CDYL2: variants seen among roughly 807,000 people sequenced by gnomAD.
CDYL2 encodes the protein chromodomain Y-like protein 2.
A neutral mutation model predicts 49.4 loss-of-function variants in CDYL2; 23 were observed. The ratio of observed to expected loss-of-function variants is 0.47; its 90% CI spans 0.34 to 0.66. CDYL2 has a LOEUF of 0.66. Ranked by LOEUF, CDYL2 falls within the 30% of genes least tolerant of loss-of-function variation. The pLI is 0.01. For missense variants in CDYL2, 678 were observed against 656.4 expected (o/e 1.03, Z -0.36); for synonymous variants, 360 against 268.8 (o/e 1.34, Z -3.32).
intron 2 of CDYL2, among the ~76,000 whole-genome samples, chr16:80,640,186 A>G (rs2142402976): frequency 6.6e-6 from 1 of 152,292 alleles, no homozygotes; most frequent in Non-Finnish European, 1.5e-5. Context: ...CAGACTGCAC[A>G]CCTCAAGTAT....
At chr16:80,752,502 G>C (rs536490698) in intron 1 of CDYL2, among the ~76,000 whole-genome samples, 8 of 152,204 alleles carry the variant, frequency 5.3e-5, no homozygotes, top group South Asian at 2.1e-4. Flanking sequence ...ATTCTGAAAA[G>C]TACCCAGATA....
chr16:80,641,679 T>C (rs1281953203), intron 2 of CDYL2, among the ~76,000 whole-genome samples: 2 of 136,554 alleles, frequency 1.5e-5, no homozygotes, highest in African/African-American at 2.8e-5. Flanking sequence ...TTCTCACTCA[T>C]AGGAGGTAAT....
intron 2 of CDYL2, among the ~76,000 whole-genome samples, chr16:80,675,160 G>A (rs1322570994): frequency 1.3e-5 from 2 of 152,196 alleles, no homozygotes; most frequent in South Asian, 2.1e-4. Flanking sequence ...CTTGGCATCT[G>A]GGAAAGGTCT....
At chr16:80,632,975 A>G (rs375265876) in intron 3 of CDYL2, 44 bp downstream of exon 3, 1 of 1,561,946 alleles carries the variant, frequency 6.4e-7, no homozygotes, top group African/African-American at 1.3e-5. Flanking sequence ...AGTGAGAAGG[A>G]GCCACAGCCC....
intron 1 of CDYL2, among the ~76,000 whole-genome samples, chr16:80,775,606 A>C (rs16953988): frequency 0.033 from 4,960 of 152,002 alleles, 119 homozygotes; most frequent in Admixed American, 0.075. Context: ...AGCACAAATA[A>C]TCCCAAGGAA....
chr16:80,687,638 T>C (rs1910251871), intron 1 of CDYL2, among the ~76,000 whole-genome samples: 1 of 152,030 alleles, frequency 6.6e-6, no homozygotes, highest in Non-Finnish European at 1.5e-5. Flanking sequence ...CATAAATGGA[T>C]GGATAGATTA....
intron 2 of CDYL2, among the ~76,000 whole-genome samples, chr16:80,658,123 A>G (rs1416860760): frequency 6.6e-6 from 1 of 151,854 alleles, no homozygotes; most frequent in Non-Finnish European, 1.5e-5. Flanking sequence ...AAAAAAAATC[A>G]CAAGAAGAAT....
At chr16:80,678,833 T>C (rs1184481242) in intron 2 of CDYL2, among the ~76,000 whole-genome samples, 1 of 151,150 alleles carries the variant, frequency 6.6e-6, no homozygotes, top group African/African-American at 2.5e-5. Flanking sequence ...TGCGGCACTA[T>C]TCACAATAGC....
intron 5 of CDYL2, among the ~76,000 whole-genome samples, chr16:80,609,877 G>C (rs1567538484): frequency 1.3e-5 from 2 of 152,090 alleles, no homozygotes. Context: ...ACCCACTCTA[G>C]AGCTAAGAAA....
At position 80,604,321 on chromosome 16, in the gene CDYL2, A is replaced by G. The variant is rs949574498; in HGVS notation, c.*67T>C. 6 of 1,568,414 alleles carry G rather than the reference A, an allele frequency of 3.8e-6. No individual in the cohort carries two copies. In the African/African-American group the frequency reaches 6.8e-5, roughly 18 times the overall value. ...TTGACAAACTCCTTGGCCGGGGCAG[A>G]CACTGTGCTCTGGTTTCCGAAACAC... On this transcript the variant is annotated 3_prime_UTR_variant, in exon 7 of 7. Transcript: ENST00000570137.
chr16:80,624,994 C>T (rs1907240736), intron 3 of CDYL2, among the ~76,000 whole-genome samples: 1 of 152,044 alleles, frequency 6.6e-6, no homozygotes, highest in Non-Finnish European at 1.5e-5. Flanking sequence ...CAGGAGATCA[C>T]AGAGAAGAGG....
At chr16:80,703,644 C>A (rs1227138844) in intron 1 of CDYL2, among the ~76,000 whole-genome samples, 1 of 152,168 alleles carries the variant, frequency 6.6e-6, no homozygotes, top group Non-Finnish European at 1.5e-5. Flanking sequence ...CCATGCATCA[C>A]ACTCTGGCTC....
chr16:80,683,335 G>A (rs548171193), intron 2 of CDYL2, among the ~76,000 whole-genome samples: 2 of 152,308 alleles, frequency 1.3e-5, no homozygotes, highest in South Asian at 2.1e-4. Flanking sequence ...GAGAAGTGAG[G>A]GACTGCACAT....
intron 1 of CDYL2, among the ~76,000 whole-genome samples, chr16:80,724,142 AAAG>A (rs1435832939): frequency 1.8e-4 from 27 of 151,036 alleles, no homozygotes; most frequent in African/African-American, 6.1e-4. Flanking sequence ...AGGAGATAAA[AAAG>A]AAGAGAAAGA....
At chr16:80,642,813 C>A (rs762904019) in intron 2 of CDYL2, among the ~76,000 whole-genome samples, 2 of 152,150 alleles carry the variant, frequency 1.3e-5, no homozygotes, top group Non-Finnish European at 2.9e-5. Flanking sequence ...TTCAAATTAT[C>A]TCCCACTGGG....
At chr16:80,656,473 C>G (rs576188413) in intron 2 of CDYL2, among the ~76,000 whole-genome samples, 4 of 152,380 alleles carry the variant, frequency 2.6e-5, no homozygotes, top group African/African-American at 9.6e-5. Flanking sequence ...TCTGTGCCCC[C>G]ACTGTCCTGC....
intron 1 of CDYL2, among the ~76,000 whole-genome samples, chr16:80,746,411 G>A (rs956598325): frequency 4.6e-5 from 7 of 152,154 alleles, no homozygotes; most frequent in African/African-American, 7.2e-5. Context: ...ATTTGGCACC[G>A]ACTCCAGTAG....
At chr16:80,713,601 T>C (rs932341071) in intron 1 of CDYL2, among the ~76,000 whole-genome samples, 1 of 152,152 alleles carries the variant, frequency 6.6e-6, no homozygotes, top group Non-Finnish European at 1.5e-5. Context: ...GGTGTGGGTA[T>C]TTTGCACAGA....
At chr16:80,696,416 A>G (rs1188727611) in intron 1 of CDYL2, among the ~76,000 whole-genome samples, 1 of 152,176 alleles carries the variant, frequency 6.6e-6, no homozygotes, top group Non-Finnish European at 1.5e-5. Flanking sequence ...AAAAAATACA[A>G]AAGGTCAACA....
Sources: allele counts gnomAD v4.1 joint callset (sites outside exome capture counted in the v4.1 genomes callset), GRCh38; gene constraint gnomAD v4.1.1; transcripts MANE v1.5; gene names NCBI Gene and HGNC (gene_info 2026-07-23, HGNC 2026-07-21).